PPP2R5A: variants seen among roughly 807,000 people sequenced by gnomAD.
PPP2R5A encodes protein phosphatase 2 regulatory subunit B'alpha.
Under a neutral mutation model 64.2 loss-of-function variants are expected in PPP2R5A, and 25 were observed. The ratio of observed to expected loss-of-function variants is 0.39; its 90% CI spans 0.28 to 0.54. The LOEUF is 0.54. Among genes scored for constraint, PPP2R5A ranks in the 20% least tolerant of loss-of-function variants. The probability of loss-of-function intolerance (pLI) is 0.67; values close to 1 mark genes in which losing one functional copy is unlikely to be tolerated. For missense variants in PPP2R5A, 425 were observed against 576.3 expected (o/e 0.74, Z 2.69); for synonymous variants, 198 against 201.2 (o/e 0.98, Z 0.13).
chr1:212,353,746 T>C (rs1470101705), intron 8 of PPP2R5A, among the ~76,000 whole-genome samples: 1 of 152,218 alleles, frequency 6.6e-6, no homozygotes, highest in Non-Finnish European at 1.5e-5. Flanking sequence ...TAAATGTTTC[T>C]AGTTCCAAAA....
At chr1:212,297,663 T>C (rs957346240) in intron 1 of PPP2R5A, 3 of 152,202 alleles carry the variant, frequency 2.0e-5, no homozygotes, top group Non-Finnish European at 4.4e-5. Flanking sequence ...GATCTTTGTT[T>C]CTTAAATTCT....
chr1:212,347,581 C>T (rs1160450979), intron 6 of PPP2R5A, among the ~76,000 whole-genome samples, 175 bp downstream of exon 6: 1 of 151,526 alleles, frequency 6.6e-6, no homozygotes, highest in Non-Finnish European at 1.5e-5. Flanking sequence ...CTCTTGTTGC[C>T]CAGGCTGGAG....
chr1:212,306,162 T>G (rs892827262), intron 1 of PPP2R5A, among the ~76,000 whole-genome samples: 1 of 152,048 alleles, frequency 6.6e-6, no homozygotes, highest in African/African-American at 2.4e-5. Context: ...AACATTGTAT[T>G]TTTTTTAGAT....
intron 1 of PPP2R5A, among the ~76,000 whole-genome samples, chr1:212,307,771 A>G (rs1444817111): frequency 1.3e-5 from 2 of 152,192 alleles, no homozygotes; most frequent in African/African-American, 4.8e-5. Flanking sequence ...GTGTTTCTAT[A>G]AGGTAGAACA....
intron 7 of PPP2R5A, 84 bp downstream of exon 7, chr1:212,348,581 GAC>G: frequency 9.9e-7 from 1 of 1,012,730 alleles, no homozygotes; most frequent in Non-Finnish European, 1.4e-6. Context: ...ATACTGAGAT[GAC>G]AGTTTTAAGT....
intron 1 of PPP2R5A, among the ~76,000 whole-genome samples, chr1:212,314,238 T>C (rs1256508635): frequency 1.3e-5 from 2 of 152,074 alleles, no homozygotes; most frequent in Non-Finnish European, 2.9e-5. Flanking sequence ...ACATAAGAGT[T>C]ATTTAGCCTT....
intron 3 of PPP2R5A, among the ~76,000 whole-genome samples, chr1:212,339,992 T>TAAAAAA (rs67654928): frequency 8.3e-5 from 6 of 72,704 alleles, no homozygotes; most frequent in East Asian, 3.6e-4. Context: ...ACATGCTGCT[T>TAAAAAA]AAAAAAAAAA....
At chr1:212,338,891 T>C (rs1251301692) in intron 3 of PPP2R5A, among the ~76,000 whole-genome samples, 1 of 152,182 alleles carries the variant, frequency 6.6e-6, no homozygotes, top group Non-Finnish European at 1.5e-5. Flanking sequence ...TAAGCATCTA[T>C]TGTGTGTCAA....
chr1:212,285,992 G>A lies in PPP2R5A; in HGVS notation c.-119G>A. ...GGCGTCCCGGGGCCGGAGGGCCGTGGGGCCGGGGCGCAGGGGCGCGAGCAC... is the reference window on the plus strand; with the variant it reads ...GGCGTCCCGGGGCCGGAGGGCCGTGAGGCCGGGGCGCAGGGGCGCGAGCAC... On this transcript the variant is annotated 5_prime_UTR_variant, in exon 1 of 13. Transcript: ENST00000261461. The A allele has an allele frequency of 4.6e-6, 5 of 1,093,050 alleles. No homozygotes were observed. The highest frequency in any genetic ancestry group is 4.8e-6 in the Non-Finnish European group (4 of 835,960). The allele number at this position is 1,093,050 out of a possible 1,614,324, so 67.7% of individuals were successfully genotyped here. A position where few individuals can be genotyped will look rare whatever the true frequency, so the allele number is the denominator to read the frequency against.
intron 8 of PPP2R5A, among the ~76,000 whole-genome samples, chr1:212,352,012 T>C (rs1403113017): frequency 6.6e-6 from 1 of 150,538 alleles, no homozygotes; most frequent in Non-Finnish European, 1.5e-5. Flanking sequence ...TATTTTTATT[T>C]TATTTTATAT....
rs762415019 is a variant in PPP2R5A at position 212,329,338 on chromosome 1, C to A, written c.378+7C>A. On this transcript the variant is annotated splice_region_variant and intron_variant, in intron 2 of 12. Transcript: ENST00000261461. Reference sequence around the variant, plus strand: ...TTCTGATATAGTAAAAATGGTAAGCCTCTAGAATTATGTTCCTCAGATTTA... The same window carrying A: ...TTCTGATATAGTAAAAATGGTAAGCATCTAGAATTATGTTCCTCAGATTTA... The A allele has an allele frequency of 6.5e-7, 1 of 1,532,342 alleles. No homozygotes were observed. The highest frequency in any genetic ancestry group is 1.3e-5 in the South Asian group (1 of 78,076). 94.9% of individuals were successfully genotyped at this position (1,532,342 alleles called of 1,614,324 possible).
At chr1:212,345,162 T>TAA (rs74849931) in intron 4 of PPP2R5A, among the ~76,000 whole-genome samples, 22 of 127,398 alleles carry the variant, frequency 1.7e-4, no homozygotes, top group East Asian at 6.7e-4. Context: ...AAGACTGTCT[T>TAA]AAAAAAAAAA....
At chr1:212,312,430 C>G (rs764151238) in intron 1 of PPP2R5A, among the ~76,000 whole-genome samples, 4 of 152,174 alleles carry the variant, frequency 2.6e-5, no homozygotes, top group Non-Finnish European at 5.9e-5. Context: ...GCCCTTAGGA[C>G]CATTTCAGAG....
At chr1:212,359,548 A>AGC (rs1660044461) in intron 12 of PPP2R5A, among the ~76,000 whole-genome samples, 2 of 152,234 alleles carry the variant, frequency 1.3e-5, no homozygotes, top group Non-Finnish European at 2.9e-5. Flanking sequence ...AAACTCAAGA[A>AGC]GCACTTTCTT....
chr1:212,307,388 C>T (rs972797263), intron 1 of PPP2R5A, among the ~76,000 whole-genome samples: 3 of 151,440 alleles, frequency 2.0e-5, no homozygotes, highest in East Asian at 1.9e-4. Context: ...CCTCTGTTTC[C>T]TTTCCTCCTT....
intron 1 of PPP2R5A, among the ~76,000 whole-genome samples, chr1:212,302,569 G>A (rs1382197429): frequency 2.6e-5 from 4 of 152,160 alleles, no homozygotes; most frequent in African/African-American, 9.7e-5. Context: ...GTATTTTAGA[G>A]ACCAGAGCTT....
chr1:212,330,591 T>G (rs531557506), intron 2 of PPP2R5A, among the ~76,000 whole-genome samples: 138 of 149,410 alleles, frequency 9.2e-4, no homozygotes, highest in African/African-American at 3.2e-3. Flanking sequence ...AATTAGAGAG[T>G]CGCTGAGTAC....
chr1:212,307,459 A>G (rs1273357580), intron 1 of PPP2R5A, among the ~76,000 whole-genome samples: 4 of 152,022 alleles, frequency 2.6e-5, no homozygotes, highest in Non-Finnish European at 1.5e-5. Flanking sequence ...ATATATTGTT[A>G]TAATTATTAC....
chr1:212,289,884 C>T (rs998238253), intron 1 of PPP2R5A, among the ~76,000 whole-genome samples: 4 of 152,164 alleles, frequency 2.6e-5, no homozygotes, highest in Non-Finnish European at 2.9e-5. Context: ...GCAGCTGCAA[C>T]ATCTTTCAGC....
Sources: gnomAD v4.1 joint callset for allele counts (sites outside exome capture counted in the v4.1 genomes callset) on GRCh38, gnomAD v4.1.1 for gene constraint, MANE v1.5 for transcripts, NCBI Gene and HGNC (gene_info 2026-07-23, HGNC 2026-07-21) for gene names.